CCIN: variants seen among roughly 807,000 people sequenced by gnomAD.
CCIN encodes the protein testis tissue sperm-binding protein Li 65n.
CCIN carries 15 observed loss-of-function variants against 32.2 expected under a neutral mutation model. That is an observed-to-expected ratio of 0.47 (90% CI 0.31 to 0.72). The LOEUF is 0.72. Ranked by LOEUF, CCIN falls within the 30% of genes least tolerant of loss-of-function variation. The pLI, the probability that CCIN is intolerant of heterozygous loss-of-function variation, is 0.05. For synonymous variants in CCIN, 302 were observed against 297.4 expected (o/e 1.02, Z -0.16); for missense variants, 623 against 759.4 (o/e 0.82, Z 2.11).
In CCIN at chr9:36,170,240, C is replaced by T. The variant is rs1226691042; in HGVS notation, c.738C>T (p.Thr246=). ...ACAAGCTGGTGGGCATGGAGAACAC[C>T]TCATCCCATACAACCCTGATTGAGA... is the stretch of plus-strand genomic sequence containing the variant. ...ASNKLVGMEN[T]SSHTTLIESV... The change falls in exon 1 of 1, where the codon ACC becomes ACT. Residue 246 remains threonine, a synonymous_variant. Coordinates refer to ENST00000335119, the MANE Select transcript of CCIN (RefSeq NM_005893.3). 1.2e-6 allele frequency: 2 copies of T among 1,614,044 alleles called. No homozygotes were observed. Among genetic ancestry groups the T allele is most frequent in the Non-Finnish European group, 1.7e-6 (2 of 1,180,030 alleles).
Position 36,170,832 on chromosome 9 carries a change from G to A in CCIN, c.1330G>A (p.Val444Ile). ...LVKGYISRVG[V>I]VDCFDTSTGD... ...GAAAGGTTATATCTCCCGGGTCGGG[G>A]TAGTGGACTGCTTTGACACCAGCAC... Residue 444 changes from valine (V) to isoleucine (I), a missense_variant, in exon 1 of 1, where the codon GTA becomes ATA. Coordinates refer to ENST00000335119, the MANE Select transcript of CCIN (RefSeq NM_005893.3). 2 of 1,614,272 alleles carry A rather than the reference G, an allele frequency of 1.2e-6. No homozygotes were observed. Among genetic ancestry groups the A allele is most frequent in the Non-Finnish European group, 1.7e-6 (2 of 1,180,048 alleles).
Position 36,170,192 on chromosome 9 carries a change from T to A in CCIN, c.690T>A (p.Asn230Lys), listed in dbSNP as rs1826291361. The A allele has an allele frequency of 6.2e-7, 1 of 1,614,202 alleles. No homozygotes were observed. Among genetic ancestry groups the A allele is most frequent in the East Asian group, 2.2e-5 (1 of 44,874 alleles). ...FNYINLNAVSNKTLVFASNKL... is the reference protein window; with the variant it reads ...FNYINLNAVSKKTLVFASNKL... Reference sequence around the variant, plus strand: ...ACATCAATCTCAATGCTGTCTCCAATAAGACGCTGGTGTTTGCCAGCAACA... The same window carrying A: ...ACATCAATCTCAATGCTGTCTCCAAAAAGACGCTGGTGTTTGCCAGCAACA... The change falls in exon 1 of 1, where the codon AAT becomes AAA. Residue 230 changes from asparagine to lysine, a missense_variant. Physicochemically the swap from Asn to Lys is moderately conservative, Grantham distance 94. Coordinates refer to ENST00000335119, the MANE Select transcript of CCIN (RefSeq NM_005893.3).
In CCIN at chr9:36,169,446, G is replaced by C; in HGVS notation, c.-57G>C. The C allele has an allele frequency of 6.4e-7, 1 of 1,558,952 alleles. No individual in the cohort carries two copies. On this transcript the variant is annotated 5_prime_UTR_variant, in exon 1 of 1. Transcript: ENST00000335119. ...ACCATCAATCTGATCCCACAGGCCT[G>C]AGAAAGTCTGCTCTCCAGTACCTGC...
Position 36,171,156 on chromosome 9 carries a change from T to G in CCIN, c.1654T>G (p.Leu552Val). ...CTACACCATCAATCCAAATGCCTTC[T>G]TGCTGGACCAAAAGACAGGCAAGTG... is the stretch of plus-strand genomic sequence containing the variant. Reference protein sequence around the residue: ...KDYTINPNAFLLDQKTGKWKT... With the variant: ...KDYTINPNAFVLDQKTGKWKT... Residue 552 changes from leucine to valine, a missense_variant, in exon 1 of 1, where the codon TTG (leucine) becomes GTG (valine). Physicochemically the swap from Leu to Val is conservative, Grantham distance 32 (BLOSUM62 1). Transcript: ENST00000335119. 6.2e-7 allele frequency: 1 copy of G among 1,614,208 alleles called. No homozygotes were observed. Among genetic ancestry groups the G allele is most frequent in the Non-Finnish European group, 8.5e-7 (1 of 1,180,036 alleles).
Position 36,170,591 on chromosome 9 carries a change from C to G in CCIN, c.1089C>G (p.Ile363Met). The change falls in exon 1 of 1, where the codon ATC (isoleucine) becomes ATG (methionine). Residue 363 changes from isoleucine (I) to methionine (M), a missense_variant. Ile to Met is a conservative substitution (Grantham distance 10, BLOSUM62 1). Transcript: ENST00000335119. The part of the protein sequence containing the change: ...NSWTKLPDLP[I>M]GLVFHTMVTC... Reference sequence around the variant, plus strand: ...GGACCAAGTTGCCTGACCTGCCCATCGGGCTTGTCTTCCACACCATGGTGA... The same window carrying G: ...GGACCAAGTTGCCTGACCTGCCCATGGGGCTTGTCTTCCACACCATGGTGA... 6.2e-7 allele frequency: 1 copy of G among 1,614,052 alleles called. No individual in the cohort carries two copies. The highest frequency in any genetic ancestry group is 8.5e-7 in the Non-Finnish European group (1 of 1,179,990).
At position 36,170,930 on chromosome 9, in the gene CCIN, C is replaced by T. The variant is rs764013795; in HGVS notation, c.1428C>T (p.Asp476=). The T allele has an allele frequency of 6.2e-7, 1 of 1,614,228 alleles. No individual in the cohort carries two copies. The highest frequency in any genetic ancestry group is 1.7e-5 in the Admixed American group (1 of 60,036). ...GGCCCCTGCTCTCTTTCCAACAGGACAACATCCTCTGCGTGCACAGCCACC... is the reference window on the plus strand; with the variant it reads ...GGCCCCTGCTCTCTTTCCAACAGGATAACATCCTCTGCGTGCACAGCCACC... ...NHRPLLSFQQ[D]NILCVHSHRQ... The change falls in exon 1 of 1, where the codon GAC becomes GAT. Residue 476 remains aspartate, a synonymous_variant. Coordinates refer to ENST00000335119, the MANE Select transcript of CCIN (RefSeq NM_005893.3).
In CCIN at chr9:36,170,054, C is replaced by A; in HGVS notation, c.552C>A (p.Leu184=). ...RCPPVIFGRL[L]RDENLHVLNE... ...CACCTGTTATCTTTGGCCGCCTGCT[C>A]CGTGATGAAAACCTTCACGTGCTCA... is the stretch of plus-strand genomic sequence containing the variant. Residue 184 remains leucine (L), a synonymous_variant, in exon 1 of 1, where the codon CTC becomes CTA. Coordinates refer to ENST00000335119, the MANE Select transcript of CCIN (RefSeq NM_005893.3). The A allele has an allele frequency of 6.2e-7, 1 of 1,614,158 alleles. No individual in the cohort carries two copies. The highest frequency in any genetic ancestry group is 8.5e-7 in the Non-Finnish European group (1 of 1,180,026).
Position 36,171,060 on chromosome 9 carries a change from T to A in CCIN, c.1558T>A (p.Cys520Ser). The change falls in exon 1 of 1, where the codon TGC becomes AGC. Residue 520 changes from cysteine to serine, a missense_variant. Coordinates refer to ENST00000335119, the MANE Select transcript of CCIN (RefSeq NM_005893.3). ...SCPLDVSHAI[C>S]SIGDSKVFVC... ...CCCCTTGGATGTGTCCCATGCTATA[T>A]GCTCCATTGGAGACAGCAAGGTGTT... 2 of 1,614,214 alleles carry A rather than the reference T, an allele frequency of 1.2e-6. No homozygotes were observed. Among genetic ancestry groups the A allele is most frequent in the Non-Finnish European group, 1.7e-6 (2 of 1,180,038 alleles).
At position 36,170,991 on chromosome 9, in the gene CCIN, G is replaced by A. The variant is rs1435542089; in HGVS notation, c.1489G>A (p.Ala497Thr). 1 of 1,614,072 alleles carries A rather than the reference G, an allele frequency of 6.2e-7. No homozygotes were observed. The highest frequency in any genetic ancestry group is 8.5e-7 in the Non-Finnish European group (1 of 1,180,046). Residue 497 changes from alanine to threonine, a missense_variant, in exon 1 of 1, where the codon GCA becomes ACA. Ala to Thr is a moderately conservative substitution (Grantham distance 58). Transcript: ENST00000335119. Reference protein sequence around the residue: ...SVEINLQKVKASKTTTSVPVL... With the variant: ...SVEINLQKVKTSKTTTSVPVL... ...GGAAATCAATCTGCAGAAGGTGAAG[G>A]CAAGCAAGACGACCACCTCAGTGCC...
Position 36,169,467 on chromosome 9 carries a change from C to T in CCIN, c.-36C>T, listed in dbSNP as rs560315872. On this transcript the variant is annotated 5_prime_UTR_variant, in exon 1 of 1. Coordinates refer to ENST00000335119, the MANE Select transcript of CCIN (RefSeq NM_005893.3). ...GCCTGAGAAAGTCTGCTCTCCAGTACCTGCTGCTGATCTGTTTCAGCCGAC... is the reference window on the plus strand; with the variant it reads ...GCCTGAGAAAGTCTGCTCTCCAGTATCTGCTGCTGATCTGTTTCAGCCGAC... 5.0e-6 allele frequency: 8 copies of T among 1,605,856 alleles called. No individual in the cohort carries two copies. In the East Asian group the frequency reaches 1.6e-4, roughly 31 times the overall value.
Position 36,171,069 on chromosome 9 carries a change from GGAGA to G in CCIN, c.1568_1571del (p.Gly523AlafsTer54). 6.2e-7 allele frequency: 1 copy of G among 1,614,180 alleles called. No homozygotes were observed. The highest frequency in any genetic ancestry group is 8.5e-7 in the Non-Finnish European group (1 of 1,180,026). On this transcript the variant is annotated frameshift_variant, in exon 1 of 1. Transcript: ENST00000335119. LOFTEE classifies it high-confidence loss of function. ...TGTGTCCCATGCTATATGCTCCATT[GGAGA>G]CAGCAAGGTGTTTGTATGTGGGGGT...
chr9:36,170,250 A>G lies in CCIN; in HGVS notation c.748A>G (p.Thr250Ala). 14 of 1,614,130 alleles carry G rather than the reference A, an allele frequency of 8.7e-6. No individual in the cohort carries two copies. Among genetic ancestry groups the G allele is most frequent in the South Asian group, 2.2e-5 (2 of 91,080 alleles). Reference protein sequence around the residue: ...LVGMENTSSHTTLIESVLMDR... With the variant: ...LVGMENTSSHATLIESVLMDR... The stretch of plus-strand genomic sequence containing the variant: ...GGGCATGGAGAACACCTCATCCCAT[A>G]CAACCCTGATTGAGAGTGTCCTGAT... Residue 250 changes from threonine to alanine, a missense_variant, in exon 1 of 1, where the codon ACA becomes GCA. Transcript: ENST00000335119.
At position 36,169,410 on chromosome 9, in the gene CCIN, C is replaced by A; in HGVS notation, c.-93C>A. The stretch of plus-strand genomic sequence containing the variant: ...ACCCTCTCTTCTCCCTGGTCAACCG[C>A]TCTGCAAACAACCATCAATCTGATC... On this transcript the variant is annotated 5_prime_UTR_variant, in exon 1 of 1. Transcript: ENST00000335119. The A allele has an allele frequency of 7.9e-7, 1 of 1,260,030 alleles. No individual in the cohort carries two copies. The highest frequency in any genetic ancestry group is 2.4e-5 in the East Asian group (1 of 41,720). The allele number at this position is 1,260,030 out of a possible 1,614,324, so 78.1% of individuals were successfully genotyped here. A position where few individuals can be genotyped will look rare whatever the true frequency, so the allele number is the denominator to read the frequency against.
chr9:36,169,953 G>A lies in CCIN; in HGVS notation c.451G>A (p.Val151Ile), dbSNP rs199547236. The A allele has an allele frequency of 2.1e-4, 337 of 1,613,880 alleles. 7 individuals carry two copies. The Admixed American group carries it at 5.3e-3, about 25-fold the overall frequency. Residue 151 changes from valine (V) to isoleucine (I), a missense_variant, in exon 1 of 1, where the codon GTA (valine) becomes ATA (isoleucine). Val to Ile is a conservative substitution (Grantham distance 29, BLOSUM62 3). Coordinates refer to ENST00000335119, the MANE Select transcript of CCIN (RefSeq NM_005893.3). The part of the protein sequence containing the change: ...ELFELKEVSD[V>I]AYSGIRDNFH... ...GTTTGAGCTCAAAGAGGTATCAGAC[G>A]TAGCTTACTCTGGCATTCGGGACAA...
rs1259311493 is a variant in CCIN, at chr9:36,170,347, T to A, written c.845T>A (p.Val282Asp). 1 of 1,614,162 alleles carries A rather than the reference T, an allele frequency of 6.2e-7. No individual in the cohort carries two copies. ...QRKGALLDSV[V>D]ILGGQKAHGQ... is the part of the protein sequence containing the mutation. Reference sequence around the variant, plus strand: ...AAAGGGGCCCTGCTTGATTCCGTGGTCATCCTCGGTGGCCAGAAGGCCCAC... The same window carrying A: ...AAAGGGGCCCTGCTTGATTCCGTGGACATCCTCGGTGGCCAGAAGGCCCAC... The change falls in exon 1 of 1, where the codon GTC becomes GAC. Residue 282 changes from valine (V) to aspartate (D), a missense_variant. Physicochemically the swap from Val to Asp is radical, Grantham distance 152. Coordinates refer to ENST00000335119, the MANE Select transcript of CCIN (RefSeq NM_005893.3).
In CCIN at chr9:36,171,243, C is replaced by T; in HGVS notation, c.1741C>T (p.Pro581Ser). 6.2e-7 allele frequency: 1 copy of T among 1,613,354 alleles called. No homozygotes were observed. The highest frequency in any genetic ancestry group is 8.5e-7 in the Non-Finnish European group (1 of 1,179,860). Reference protein sequence around the residue: ...DCPACCLAKLPCKILQRI With the variant: ...DCPACCLAKLSCKILQRI ...TCCTGCCTGCTGTCTAGCCAAGCTA[C>T]CTTGCAAGATTCTTCAAAGGATTTA... The change falls in exon 1 of 1, where the codon CCT becomes TCT. Residue 581 changes from proline to serine, a missense_variant. Physicochemically the swap from Pro to Ser is moderately conservative, Grantham distance 74 (BLOSUM62 -1). Coordinates refer to ENST00000335119, the MANE Select transcript of CCIN (RefSeq NM_005893.3).
In CCIN at chr9:36,169,398, C is replaced by G; in HGVS notation, c.-105C>G. ...ATCCTCTCTTCCACCCTCTCTTCTC[C>G]CTGGTCAACCGCTCTGCAAACAACC... is the stretch of plus-strand genomic sequence containing the variant. On this transcript the variant is annotated 5_prime_UTR_variant, in exon 1 of 1. Transcript: ENST00000335119. 2 of 1,117,250 alleles carry G rather than the reference C, an allele frequency of 1.8e-6. No homozygotes were observed. The highest frequency in any genetic ancestry group is 2.6e-6 in the Non-Finnish European group (2 of 756,306). The allele number at this position is 1,117,250 out of a possible 1,614,324, so 69.2% of individuals were successfully genotyped here.
Position 36,170,088 on chromosome 9 carries a change from C to T in CCIN, c.586C>T (p.Gln196Ter). 1 of 1,614,234 alleles carries T rather than the reference C, an allele frequency of 6.2e-7. No homozygotes were observed. Among genetic ancestry groups the T allele is most frequent in the Non-Finnish European group, 8.5e-7 (1 of 1,180,048 alleles). ...DENLHVLNED[Q>*]ALSALINWVY... ...AAACCTTCACGTGCTCAATGAAGAC[C>T]AGGCGCTCAGCGCACTCATCAATTG... Residue 196 changes from glutamine to a stop codon, truncating the protein, a stop_gained, in exon 1 of 1, where the codon CAG becomes TAG. Transcript: ENST00000335119. LOFTEE classifies it high-confidence loss of function.
In CCIN at chr9:36,169,956, G is replaced by C. The variant is rs757356922; in HGVS notation, c.454G>C (p.Ala152Pro). The change falls in exon 1 of 1, where the codon GCT becomes CCT. Residue 152 changes from alanine to proline, a missense_variant. Coordinates refer to ENST00000335119, the MANE Select transcript of CCIN (RefSeq NM_005893.3). Reference protein sequence around the residue: ...LFELKEVSDVAYSGIRDNFHY... With the variant: ...LFELKEVSDVPYSGIRDNFHY... Reference sequence around the variant, plus strand: ...TGAGCTCAAAGAGGTATCAGACGTAGCTTACTCTGGCATTCGGGACAACTT... The same window carrying C: ...TGAGCTCAAAGAGGTATCAGACGTACCTTACTCTGGCATTCGGGACAACTT... 7 of 1,614,024 alleles carry C rather than the reference G, an allele frequency of 4.3e-6. No individual in the cohort carries two copies. The highest frequency in any genetic ancestry group is 5.9e-6 in the Non-Finnish European group (7 of 1,180,020).
Sources: allele counts gnomAD v4.1 joint callset, GRCh38; gene constraint gnomAD v4.1.1; transcripts MANE v1.5; gene names NCBI Gene and HGNC (gene_info 2026-07-23, HGNC 2026-07-21).